Variants in AK9 observed in about 807,000 individuals in gnomAD.
The protein encoded by AK9 is adenylate kinase domain containing 1.
In AK9, 191 loss-of-function variants were observed where a neutral mutation model predicts 239.6. The observed-to-expected ratio is 0.80, with a 90% confidence interval of 0.71 to 0.90. AK9 has a LOEUF of 0.90. Among genes scored for constraint, AK9 ranks in the 40% least tolerant of loss-of-function variants. The pLI is 0.00. For missense variants in AK9, 1,995 were observed against 2,214.7 expected (o/e 0.90, Z 1.99); for synonymous variants, 689 against 721.0 (o/e 0.96, Z 0.71).
chr6:109,517,208 T>C (rs1365456641), intron 29 of AK9, among the ~76,000 whole-genome samples: 1 of 152,172 alleles, frequency 6.6e-6, no homozygotes, highest in Non-Finnish European at 1.5e-5. Flanking sequence ...TGTTGCTTCT[T>C]TGAAAAACGT....
intron 9 of AK9, among the ~76,000 whole-genome samples, chr6:109,641,949 T>C (rs999465624): frequency 2.0e-5 from 3 of 152,312 alleles, no homozygotes; most frequent in East Asian, 1.9e-4. Context: ...GAGGGACACA[T>C]TTCAACTCAT....
chr6:109,573,039 T>A (rs528914471), intron 21 of AK9, among the ~76,000 whole-genome samples: 3 of 152,206 alleles, frequency 2.0e-5, no homozygotes, highest in Non-Finnish European at 4.4e-5. Context: ...GTAAAATTCA[T>A]GCTAATAATT....
At chr6:109,583,535 T>C (rs1277372683) in intron 19 of AK9, among the ~76,000 whole-genome samples, 2 of 152,076 alleles carry the variant, frequency 1.3e-5, no homozygotes, top group African/African-American at 4.8e-5. Context: ...ATTTCTGAAG[T>C]ATAAAGGAAA....
In AK9 at chr6:109,509,398, TTTAAA is replaced by T. The variant is rs1411850540; in HGVS notation, c.4280-23_4280-19del. The stretch of plus-strand genomic sequence containing the variant: ...TTTGGCAACTGAAAAACATAAAACT[TTTAAA>T]TTAAATTAAATGATTTAGATTCAGG... On this transcript the variant is annotated intron_variant, in intron 32 of 40. Transcript: ENST00000424296. 5 of 1,537,890 alleles carry T rather than the reference TTTAAA, an allele frequency of 3.3e-6. No individual in the cohort carries two copies. Among genetic ancestry groups the T allele is most frequent in the Admixed American group, 4.0e-5 (2 of 50,254 alleles).
intron 27 of AK9, among the ~76,000 whole-genome samples, chr6:109,539,657 C>T (rs138887049): frequency 0.079 from 11,999 of 152,284 alleles, 693 homozygotes; most frequent in Non-Finnish European, 0.13. Flanking sequence ...GAGCTGTGTT[C>T]CTTTGGAGGA....
rs149054324 is a variant in AK9 at position 109,591,394 on chromosome 6, T to C, written c.1843-5322A>G. Among the ~76,000 whole-genome samples the C allele has an allele frequency of 2.8e-3, 423 of 152,292 alleles. 1 individual carries two copies. The highest frequency in any genetic ancestry group is 9.7e-3 in the African/African-American group (404 of 41,562). On this transcript the variant is annotated intron_variant, in intron 17 of 40. Coordinates refer to ENST00000424296, the MANE Select transcript of AK9 (RefSeq NM_001145128.3). ...GAATATCTTTTTCCATCCCTTTACT[T>C]TGACTCTGTAAATGTATTTACTAGT...
chr6:109,662,435 T>C, intron 6 of AK9, 116 bp downstream of exon 6: 1 of 844,202 alleles, frequency 1.2e-6, no homozygotes, highest in East Asian at 3.9e-5. Context: ...GTTCCTGTGA[T>C]TGATGCATAA....
intron 8 of AK9, among the ~76,000 whole-genome samples, chr6:109,653,683 T>TC (rs1554284219): frequency 0.049 from 1,711 of 34,600 alleles, 28 homozygotes; most frequent in Middle Eastern, 0.079. Context: ...TTTTTTTTTT[T>TC]TTCTCTCTCT....
chr6:109,559,863 G>T (rs1785521640), intron 24 of AK9, among the ~76,000 whole-genome samples: 1 of 152,252 alleles, frequency 6.6e-6, no homozygotes, highest in East Asian at 1.9e-4. Context: ...GTTTTATGGG[G>T]CTACTGTGAA....
chr6:109,546,551 G>C (rs1031219117), intron 25 of AK9, among the ~76,000 whole-genome samples: 6 of 151,808 alleles, frequency 4.0e-5, no homozygotes, highest in African/African-American at 1.5e-4. Context: ...CACATTGTGT[G>C]GATCATCCAC....
At position 109,564,755 on chromosome 6, in the gene AK9, C is replaced by T. The variant is rs1786245062; in HGVS notation, c.2434+1G>A. 6.5e-7 allele frequency: 1 copy of T among 1,535,584 alleles called. No individual in the cohort carries two copies. The highest frequency in any genetic ancestry group is 2.5e-5 in the East Asian group (1 of 40,554). On this transcript the variant is annotated splice_donor_variant, in intron 22 of 40. Coordinates refer to ENST00000424296, the MANE Select transcript of AK9 (RefSeq NM_001145128.3). LOFTEE classifies it high-confidence loss of function. ...GAACTACTTTCATTTTACAGTCTAACCTGTTTCAGATAATTTTTCAATTTC... is the reference window on the plus strand; with the variant it reads ...GAACTACTTTCATTTTACAGTCTAATCTGTTTCAGATAATTTTTCAATTTC...
intron 20 of AK9, among the ~76,000 whole-genome samples, chr6:109,576,993 G>C (rs567236341): frequency 2.0e-5 from 3 of 151,962 alleles, no homozygotes; most frequent in African/African-American, 7.3e-5. Flanking sequence ...ACCACGCCCG[G>C]CTAATTTTTT....
intron 12 of AK9, among the ~76,000 whole-genome samples, chr6:109,623,132 G>A (rs1019328781): frequency 7.9e-5 from 12 of 151,920 alleles, no homozygotes; most frequent in Admixed American, 7.2e-4. Flanking sequence ...TCCTATTGAA[G>A]CTTTATCTGC....
chr6:109,653,828 C>T (rs941730556), intron 8 of AK9, among the ~76,000 whole-genome samples: 1 of 152,034 alleles, frequency 6.6e-6, no homozygotes, highest in Admixed American at 6.6e-5. Flanking sequence ...GCCAGCACAC[C>T]TGGCCTAAAT....
intron 17 of AK9, among the ~76,000 whole-genome samples, chr6:109,601,510 A>G (rs2128229082): frequency 6.6e-6 from 1 of 152,246 alleles, no homozygotes; most frequent in South Asian, 2.1e-4. Flanking sequence ...TATGTGGTCA[A>G]TTTTGGAATA....
At chr6:109,540,495 A>T (rs142621861) in intron 27 of AK9, among the ~76,000 whole-genome samples, 4 of 152,284 alleles carry the variant, frequency 2.6e-5, no homozygotes, top group Admixed American at 1.3e-4. Context: ...TCCAGGTGCC[A>T]TCTGTCACAG....
Position 109,564,797 on chromosome 6 carries a change from C to T in AK9, c.2393G>A (p.Gly798Glu), listed in dbSNP as rs1011328920. 21 of 1,546,456 alleles carry T rather than the reference C, an allele frequency of 1.4e-5. No individual in the cohort carries two copies. The highest frequency in any genetic ancestry group is 1.7e-4 in the Middle Eastern group (1 of 5,994). The change falls in exon 22 of 41, where the codon GGA becomes GAA. Residue 798 changes from glycine to glutamate, a missense_variant. By Grantham distance (98) the Gly-to-Glu change is moderately conservative. This residue lies in a region of AK9 where 1,290 missense variants were observed against 1,392.7 expected (regional missense o/e 0.93). Coordinates refer to ENST00000424296, the MANE Select transcript of AK9 (RefSeq NM_001145128.3). Reference protein sequence around the residue: ...ETTVETEIPKGSKEGLEIEKL... With the variant: ...ETTVETEIPKESKEGLEIEKL... ...TTCAATTTCCAGGCCCTCTTTGGAT[C>T]CTTTTGGGATTTCTGTTTCCACTGT...
intron 15 of AK9, 125 bp downstream of exon 15, chr6:109,614,058 T>C: frequency 2.5e-6 from 2 of 803,698 alleles, no homozygotes; most frequent in Non-Finnish European, 4.0e-6. Flanking sequence ...AGGAAATATT[T>C]AGCTTTTTTC....
At chr6:109,615,125 T>C (rs1162212716) in intron 13 of AK9, among the ~76,000 whole-genome samples, 1 of 152,186 alleles carries the variant, frequency 6.6e-6, no homozygotes, top group Non-Finnish European at 1.5e-5. Context: ...ACTTCCTGCC[T>C]TGGTCCAGGT....
Sources: gnomAD v4.1 joint callset for allele counts (sites outside exome capture counted in the v4.1 genomes callset) on GRCh38, gnomAD v4.1.1 for gene constraint, gnomAD v4.1.1 regional missense constraint, MANE v1.5 for transcripts, NCBI Gene and HGNC (gene_info 2026-07-23, HGNC 2026-07-21) for gene names.